Variants in TYR observed in about 807,000 individuals in gnomAD.
The protein encoded by TYR is tyrosinase, also known as LB24-AB.
Under a neutral mutation model 51.5 loss-of-function variants are expected in TYR, and 58 were observed. The ratio of observed to expected loss-of-function variants is 1.13; its 90% CI spans 0.91 to 1.40. The LOEUF (loss-of-function observed/expected upper bound fraction) is 1.40. TYR is among the 40% of genes most tolerant of loss of function. TYR has a pLI of 0.00. For missense variants in TYR, 732 were observed against 647.4 expected (o/e 1.13, Z -1.42); for synonymous variants, 263 against 235.2 (o/e 1.12, Z -1.08).
intron 2 of TYR, among the ~76,000 whole-genome samples, chr11:89,216,988 T>G (rs1943840593): frequency 6.6e-6 from 1 of 152,160 alleles, no homozygotes; most frequent in Admixed American, 6.6e-5. Context: ...TTTAGATTAT[T>G]ATTAGGAAAA....
At chr11:89,265,004 C>T (rs1944509657) in intron 3 of TYR, among the ~76,000 whole-genome samples, 1 of 151,984 alleles carries the variant, frequency 6.6e-6, no homozygotes, top group Non-Finnish European at 1.5e-5. Context: ...GCTTTATTGA[C>T]AGTTACGTCA....
chr11:89,212,705 C>G (rs1591158595), intron 2 of TYR, among the ~76,000 whole-genome samples: 1 of 152,288 alleles, frequency 6.6e-6, no homozygotes, highest in Middle Eastern at 3.4e-3. Context: ...TACTGGCAAA[C>G]TGAGTCCAAC....
At chr11:89,188,075 A>G (rs1262763097) in intron 1 of TYR, among the ~76,000 whole-genome samples, 2 of 150,586 alleles carry the variant, frequency 1.3e-5, no homozygotes, top group African/African-American at 2.4e-5. Flanking sequence ...AAGGAGTTAA[A>G]AAATATAATA....
intron 4 of TYR, 142 bp downstream of exon 4, chr11:89,285,096 C>T (rs1944768326): frequency 1.4e-6 from 1 of 739,474 alleles, no homozygotes; most frequent in South Asian, 1.8e-5. Flanking sequence ...TAATTTATTA[C>T]CAGTTTATTA....
chr11:89,262,832 T>A, intron 3 of TYR, among the ~76,000 whole-genome samples: 1 of 24,892 alleles, frequency 4.0e-5, no homozygotes, highest in African/African-American at 1.7e-4. Context: ...TAAGTAAAGA[T>A]ACAAGCTACT....
At chr11:89,294,709 C>T in intron 4 of TYR, among the ~76,000 whole-genome samples, 1 of 152,210 alleles carries the variant, frequency 6.6e-6, no homozygotes. Context: ...ACTAAGATTG[C>T]TGAGCATTTG....
At chr11:89,263,700 T>G (rs574611647) in intron 3 of TYR, among the ~76,000 whole-genome samples, 4 of 152,036 alleles carry the variant, frequency 2.6e-5, no homozygotes, top group South Asian at 2.1e-4. Flanking sequence ...ACATTAGCAA[T>G]AAACAAACTG....
At chr11:89,215,313 T>C (rs1943817291) in intron 2 of TYR, among the ~76,000 whole-genome samples, 1 of 136,072 alleles carries the variant, frequency 7.3e-6, no homozygotes, top group Non-Finnish European at 1.5e-5. Context: ...TTCTCACTCA[T>C]AAGTGGGAGT....
intron 3 of TYR, among the ~76,000 whole-genome samples, chr11:89,269,610 G>C (rs1449838397): frequency 6.6e-6 from 1 of 151,780 alleles, no homozygotes; most frequent in Non-Finnish European, 1.5e-5. Context: ...CTGCCTTACT[G>C]ATTCCCCAAG....
At chr11:89,186,946 A>G (rs1943382013) in intron 1 of TYR, among the ~76,000 whole-genome samples, 1 of 152,182 alleles carries the variant, frequency 6.6e-6, no homozygotes, top group Non-Finnish European at 1.5e-5. Context: ...TTTCCTCTGC[A>G]AGACATAAGA....
At chr11:89,196,393 A>G (rs1244206969) in intron 2 of TYR, among the ~76,000 whole-genome samples, 1 of 152,160 alleles carries the variant, frequency 6.6e-6, no homozygotes, top group Non-Finnish European at 1.5e-5. Context: ...GACAGCAGGA[A>G]CAAAGGTATC....
intron 3 of TYR, among the ~76,000 whole-genome samples, chr11:89,235,935 C>T (rs1390360501): frequency 6.6e-6 from 1 of 151,778 alleles, no homozygotes; most frequent in Non-Finnish European, 1.5e-5. Flanking sequence ...CACATTATGC[C>T]CCATACATAC....
At chr11:89,214,774 C>T (rs1000060781) in intron 2 of TYR, among the ~76,000 whole-genome samples, 9 of 152,096 alleles carry the variant, frequency 5.9e-5, no homozygotes, top group Non-Finnish European at 1.0e-4. Flanking sequence ...ATGAACAGAG[C>T]TCTAAAGTAA....
intron 2 of TYR, among the ~76,000 whole-genome samples, chr11:89,206,666 A>ACAG (rs1342467722): frequency 6.6e-6 from 1 of 151,900 alleles, no homozygotes; most frequent in African/African-American, 2.4e-5. Context: ...TTCAATAACA[A>ACAG]CAACAAAAAA....
rs1204797496 is a variant in TYR at position 89,295,354 on chromosome 11, G to C, written c.1578G>C (p.Gln526His). The change falls in exon 5 of 5, where the codon CAG (glutamine) becomes CAC (histidine). Residue 526 changes from glutamine to histidine, a missense_variant. Gln to His is a conservative substitution (Grantham distance 24, BLOSUM62 0). Coordinates refer to ENST00000263321, the MANE Select transcript of TYR (RefSeq NM_000372.5). Reference protein sequence around the residue: ...MEKEDYHSLYQSHL With the variant: ...MEKEDYHSLYHSHL ...AAGAGGATTACCACAGCTTGTATCA[G>C]AGCCATTTATAAAAGGCTTAGGCAA... 6.2e-7 allele frequency: 1 copy of C among 1,610,574 alleles called. No individual in the cohort carries two copies. The highest frequency in any genetic ancestry group is 8.5e-7 in the Non-Finnish European group (1 of 1,177,860).
chr11:89,246,475 C>T (rs1262667767), intron 3 of TYR, among the ~76,000 whole-genome samples: 1 of 152,172 alleles, frequency 6.6e-6, no homozygotes, highest in Non-Finnish European at 1.5e-5. Flanking sequence ...TTGTTCTTTA[C>T]TCACTGTACT....
At chr11:89,191,495 A>G (rs1182596620) in intron 2 of TYR, 77 bp downstream of exon 2, 1 of 1,424,390 alleles carries the variant, frequency 7.0e-7, no homozygotes, top group Non-Finnish European at 9.8e-7. Context: ...CCTAGGAGGT[A>G]TTTGAGAATT....
chr11:89,253,156 G>A (rs373085658), intron 3 of TYR, among the ~76,000 whole-genome samples: 2 of 151,680 alleles, frequency 1.3e-5, no homozygotes, highest in African/African-American at 4.8e-5. Context: ...GTCAATGAAA[G>A]ATCCTTTCAC....
chr11:89,253,830 C>G (rs1264653189), intron 3 of TYR, among the ~76,000 whole-genome samples: 2 of 151,772 alleles, frequency 1.3e-5, no homozygotes, highest in African/African-American at 4.8e-5. Context: ...TTTCTCTTGT[C>G]TGATTGCTCT....
Sources: allele counts gnomAD v4.1 joint callset (sites outside exome capture counted in the v4.1 genomes callset), GRCh38; gene constraint gnomAD v4.1.1; transcripts MANE v1.5; gene names NCBI Gene and HGNC (gene_info 2026-07-23, HGNC 2026-07-21).